The following KDM6A variants were observed in gnomAD, a reference collection of about 807,000 sequenced individuals.
The protein encoded by KDM6A is lysine-specific demethylase 6A.
Under a neutral mutation model 117.6 loss-of-function variants are expected in KDM6A, and 11 were observed. The observed-to-expected ratio is 0.09, with a 90% confidence interval of 0.06 to 0.15. The LOEUF (loss-of-function observed/expected upper bound fraction) is 0.15, where lower values mean the gene tolerates loss of function less well. Ranked by LOEUF, KDM6A falls within the 10% of genes least tolerant of loss-of-function variation. KDM6A has a pLI of 1.00. For synonymous variants in KDM6A, 384 were observed against 396.1 expected (o/e 0.97, Z 0.36); for missense variants, 799 against 1,077.3 (o/e 0.74, Z 3.62).
chrX:45,062,923 G>A (rs769306678), intron 16 of KDM6A, among the ~76,000 whole-genome samples, 175 bp downstream of exon 16: 1 of 112,039 alleles, frequency 8.9e-6, no homozygotes, highest in South Asian at 3.7e-4. Flanking sequence ...TTAGACAAAA[G>A]CAACTATAAT....
chrX:44,973,594 A>G (rs1432555049), intron 3 of KDM6A, among the ~76,000 whole-genome samples: 1 of 110,827 alleles, frequency 9.0e-6, no homozygotes, highest in Non-Finnish European at 1.9e-5. Context: ...AGAATTACAT[A>G]TCTGTTGTAG....
intron 9 of KDM6A, 72 bp downstream of exon 9, chrX:45,051,874 A>G: frequency 1.7e-6 from 1 of 588,083 alleles, no homozygotes; most frequent in Admixed American, 2.8e-5. Context: ...AGTGTGGCAA[A>G]TATGTGGCTC....
At chrX:44,969,670 C>T (rs915665008) in intron 3 of KDM6A, among the ~76,000 whole-genome samples, 1 of 110,862 alleles carries the variant, frequency 9.0e-6, no homozygotes, top group Non-Finnish European at 1.9e-5. Context: ...CCTGCCTCGG[C>T]CTCCCAAAGT....
In KDM6A at chrX:44,900,455, A is replaced by G. The variant is rs901366652; in HGVS notation, c.225+26468A>G. Among the ~76,000 whole-genome samples, 6 of 112,094 alleles carry G rather than the reference A, an allele frequency of 5.4e-5. No homozygotes were observed. In the Admixed American group the frequency reaches 5.7e-4, roughly 11 times the overall value. On this transcript the variant is annotated intron_variant, in intron 2 of 29. Transcript: ENST00000611820. ...AATTCATTCTAGCTCTAAAAATTCT[A>G]TGATTTTATCCTTTTTTCTGTTCTT...
intron 2 of KDM6A, among the ~76,000 whole-genome samples, chrX:44,926,028 G>T (rs935140833): frequency 8.1e-5 from 9 of 110,850 alleles, no homozygotes; most frequent in African/African-American, 2.6e-4. Context: ...TTCTTTAGAG[G>T]TAGGTTGTTA....
At chrX:44,897,738 T>C (rs1008451823) in intron 2 of KDM6A, among the ~76,000 whole-genome samples, 2 of 110,343 alleles carry the variant, frequency 1.8e-5, no homozygotes, top group Admixed American at 1.9e-4. Context: ...CTGGCTAATT[T>C]TGTTTTTTTG....
chrX:45,038,954 C>G (rs1033723385), intron 8 of KDM6A, among the ~76,000 whole-genome samples: 1 of 108,953 alleles, frequency 9.2e-6, no homozygotes, highest in Non-Finnish European at 1.9e-5. Context: ...TGTTTTGGCC[C>G]AAGTGTTACA....
At chrX:44,927,848 G>A (rs755731322) in intron 2 of KDM6A, among the ~76,000 whole-genome samples, 12 of 111,771 alleles carry the variant, frequency 1.1e-4, no homozygotes, top group African/African-American at 3.9e-4. Flanking sequence ...CAACTAACCA[G>A]AGACATCAGT....
chrX:45,097,028 A>G (rs752007771), intron 27 of KDM6A, among the ~76,000 whole-genome samples: 23 of 112,189 alleles, frequency 2.1e-4, no homozygotes, highest in Non-Finnish European at 3.6e-4. Context: ...CTATACAGCT[A>G]TAAAATAAGA....
At chrX:44,950,376 A>T (rs771941438) in intron 2 of KDM6A, among the ~76,000 whole-genome samples, 1 of 111,856 alleles carries the variant, frequency 8.9e-6, no homozygotes, top group Non-Finnish European at 1.9e-5. Flanking sequence ...ATTATCTCTC[A>T]TACTGTCCTT....
intron 4 of KDM6A, among the ~76,000 whole-genome samples, chrX:44,990,726 G>A (rs1331233584): frequency 9.0e-6 from 1 of 110,889 alleles, no homozygotes; most frequent in African/African-American, 3.3e-5. Flanking sequence ...TATCTCTGCT[G>A]GTATATAGAA....
chrX:44,985,964 G>C (rs908474492), intron 4 of KDM6A, among the ~76,000 whole-genome samples: 4 of 111,912 alleles, frequency 3.6e-5, no homozygotes, highest in African/African-American at 1.3e-4. Context: ...CTCTTGATTG[G>C]AATAGTTTCA....
At chrX:45,040,436 C>T (rs1300700889) in intron 8 of KDM6A, among the ~76,000 whole-genome samples, 1 of 85,222 alleles carries the variant, frequency 1.2e-5, no homozygotes, top group Non-Finnish European at 2.3e-5. Flanking sequence ...GGCGGCTGGC[C>T]GGGCGGGGGG....
intron 2 of KDM6A, among the ~76,000 whole-genome samples, chrX:44,898,295 GC>G (rs1218575865): frequency 8.9e-6 from 1 of 112,087 alleles, no homozygotes; most frequent in Non-Finnish European, 1.9e-5. Flanking sequence ...TTTGAGAATG[GC>G]TGAAATGGTT....
chrX:44,990,433 A>G (rs1342243836), intron 4 of KDM6A, among the ~76,000 whole-genome samples: 6 of 110,427 alleles, frequency 5.4e-5, no homozygotes, highest in Admixed American at 2.9e-4. Context: ...CCAGCTACTC[A>G]GGAGGCTGAG....
chrX:45,028,978 C>G (rs2042489480), intron 6 of KDM6A, among the ~76,000 whole-genome samples: 1 of 112,207 alleles, frequency 8.9e-6, no homozygotes, highest in Non-Finnish European at 1.9e-5. Context: ...TAGGGTGATT[C>G]TAGGTTCCCT....
chrX:44,893,934 T>C (rs1359411593), intron 2 of KDM6A, among the ~76,000 whole-genome samples: 1 of 111,836 alleles, frequency 8.9e-6, no homozygotes, highest in African/African-American at 3.3e-5. Context: ...CCTGTTAATA[T>C]AACATTGATT....
chrX:45,067,667 T>TTTTC (rs1556322067), intron 17 of KDM6A, among the ~76,000 whole-genome samples: 35 of 100,808 alleles, frequency 3.5e-4, no homozygotes, highest in African/African-American at 1.2e-3. Flanking sequence ...TTTTTTTTTT[T>TTTTC]TTTGAGATGG....
intron 2 of KDM6A, among the ~76,000 whole-genome samples, chrX:44,913,780 A>G (rs2035374906): frequency 9.0e-6 from 1 of 110,904 alleles, no homozygotes; most frequent in Non-Finnish European, 1.9e-5. Flanking sequence ...ACACACATAT[A>G]TTCCATATCA....
Sources: allele counts gnomAD v4.1 joint callset (sites outside exome capture counted in the v4.1 genomes callset), GRCh38; gene constraint gnomAD v4.1.1; transcripts MANE v1.5; gene names NCBI Gene and HGNC (gene_info 2026-07-23, HGNC 2026-07-21).